Variants in KIAA1328 observed in about 807,000 individuals in gnomAD.
The protein encoded by KIAA1328 is protein hinderin.
A neutral mutation model predicts 68.1 loss-of-function variants in KIAA1328; 52 were observed. The observed-to-expected ratio is 0.76, with a 90% CI of 0.61 to 0.96. The LOEUF is 0.96. Ranked by LOEUF, KIAA1328 falls within the 40% of genes least tolerant of loss-of-function variation. KIAA1328 has a pLI of 0.00. For missense variants in KIAA1328, 641 were observed against 677.6 expected (o/e 0.95, Z 0.60); for synonymous variants, 232 against 239.4 (o/e 0.97, Z 0.28).
At chr18:37,168,368 C>T (rs1200180010) in intron 8 of KIAA1328, among the ~76,000 whole-genome samples, 2 of 152,162 alleles carry the variant, frequency 1.3e-5, no homozygotes, top group East Asian at 3.9e-4. Flanking sequence ...TAGCTGTGTA[C>T]CTAGGAAGAA....
intron 3 of KIAA1328, among the ~76,000 whole-genome samples, chr18:36,838,968 C>T (rs781308207): frequency 2.0e-5 from 3 of 152,178 alleles, no homozygotes; most frequent in Non-Finnish European, 4.4e-5. Flanking sequence ...CTCCTGACCT[C>T]ATTATCTGCC....
intron 7 of KIAA1328, among the ~76,000 whole-genome samples, chr18:37,083,518 A>C (rs543551410): frequency 2.0e-5 from 3 of 152,262 alleles, no homozygotes; most frequent in Admixed American, 6.5e-5. Flanking sequence ...TTAACACTCA[A>C]CTCCCGGTAG....
intron 6 of KIAA1328, among the ~76,000 whole-genome samples, chr18:37,002,577 T>G (rs1171248983): frequency 6.6e-6 from 1 of 151,712 alleles, no homozygotes; most frequent in Non-Finnish European, 1.5e-5. Context: ...CAGAAAGAAA[T>G]AAGGCAATCT....
At chr18:36,856,171 TA>T (rs2047377101) in intron 4 of KIAA1328, among the ~76,000 whole-genome samples, 1 of 152,154 alleles carries the variant, frequency 6.6e-6, no homozygotes, top group Non-Finnish European at 1.5e-5. Context: ...TTTCTTTTTT[TA>T]TCCTCCTTGG....
At chr18:36,923,957 G>A (rs1006756328) in intron 5 of KIAA1328, 1 of 152,152 alleles carries the variant, frequency 6.6e-6, no homozygotes, top group Non-Finnish European at 1.5e-5. Context: ...AAGTTGCAAA[G>A]GCAAGTTGGA....
rs1018272086 is a variant in KIAA1328 at position 36,846,554 on chromosome 18, T to C, written c.332+2252T>C. 5.9e-5 allele frequency among the ~76,000 whole-genome samples: 9 copies of C among 151,620 alleles called. 1 individual carries two copies. The South Asian group carries it at 1.2e-3, about 21-fold the overall frequency. Reference sequence around the variant, plus strand: ...TGACAAATATAAGATATACAAGATTTCCTATTCATGATATACAGCATTTAT... The same window carrying C: ...TGACAAATATAAGATATACAAGATTCCCTATTCATGATATACAGCATTTAT... On this transcript the variant is annotated intron_variant, in intron 4 of 9. Coordinates refer to ENST00000280020, the MANE Select transcript of KIAA1328 (RefSeq NM_020776.3).
chr18:37,042,292 A>C (rs2590865), intron 6 of KIAA1328, among the ~76,000 whole-genome samples: 142,345 of 152,234 alleles, frequency 0.94, 67,293 homozygotes, highest in East Asian at 1. Context: ...ATATACCTTT[A>C]CCTACAAGAT....
chr18:37,037,867 C>T (rs556445376), intron 6 of KIAA1328, among the ~76,000 whole-genome samples: 29 of 151,750 alleles, frequency 1.9e-4, no homozygotes, highest in East Asian at 9.7e-4. Flanking sequence ...TTTGGGAGGC[C>T]GAGGCAGGCT....
intron 8 of KIAA1328, among the ~76,000 whole-genome samples, chr18:37,168,114 A>G (rs185326231): frequency 2.6e-5 from 4 of 152,376 alleles, no homozygotes; most frequent in Non-Finnish European, 4.4e-5. Flanking sequence ...GAATAACCAC[A>G]TGATCATCTC....
intron 4 of KIAA1328, among the ~76,000 whole-genome samples, chr18:36,879,041 T>C (rs1039161088): frequency 6.6e-5 from 10 of 152,212 alleles, no homozygotes; most frequent in Non-Finnish European, 1.3e-4. Context: ...TCATTCTTTG[T>C]CCGGTTTTGT....
chr18:36,865,058 T>C (rs2047701512), intron 4 of KIAA1328, among the ~76,000 whole-genome samples: 1 of 151,906 alleles, frequency 6.6e-6, no homozygotes, highest in Non-Finnish European at 1.5e-5. Flanking sequence ...TTTTCACTCT[T>C]ATCTCTATTA....
At chr18:37,228,700 A>G (rs556590871), downstream of KIAA1328, among the ~76,000 whole-genome samples, 35 of 152,166 alleles carry the variant, frequency 2.3e-4, no homozygotes, top group African/African-American at 7.9e-4. Flanking sequence ...GGCACCTGTA[A>G]TCCCAGCTAC....
chr18:37,116,601 G>T (rs1262622051), intron 7 of KIAA1328, among the ~76,000 whole-genome samples: 1 of 152,190 alleles, frequency 6.6e-6, no homozygotes, highest in African/African-American at 2.4e-5. Flanking sequence ...ATAGGCATGG[G>T]CAAGGACTTT....
intron 8 of KIAA1328, among the ~76,000 whole-genome samples, chr18:37,165,018 T>C (rs1372214520): frequency 6.6e-6 from 1 of 152,170 alleles, no homozygotes; most frequent in Non-Finnish European, 1.5e-5. Flanking sequence ...TGCTGATGGC[T>C]GCCTTCTCAC....
intron 9 of KIAA1328, among the ~76,000 whole-genome samples, chr18:37,175,235 T>G (rs1423597211): frequency 6.6e-6 from 1 of 152,212 alleles, no homozygotes; most frequent in Non-Finnish European, 1.5e-5. Flanking sequence ...AACACCACTT[T>G]AATATATTGT....
intron 5 of KIAA1328, among the ~76,000 whole-genome samples, chr18:36,892,568 G>A (rs1384482299): frequency 3.3e-5 from 5 of 151,996 alleles, no homozygotes; most frequent in African/African-American, 1.2e-4. Flanking sequence ...GGGCCACTTC[G>A]TTCCATTTAA....
intron 9 of KIAA1328, among the ~76,000 whole-genome samples, chr18:37,219,031 T>C (rs1431239390): frequency 6.6e-6 from 1 of 152,240 alleles, no homozygotes; most frequent in African/African-American, 2.4e-5. Context: ...TTGATGCTAT[T>C]CCTTTCTGTT....
intron 9 of KIAA1328, among the ~76,000 whole-genome samples, chr18:37,179,041 TA>T (rs2059649596): frequency 6.6e-6 from 1 of 152,196 alleles, no homozygotes; most frequent in Non-Finnish European, 1.5e-5. Context: ...ATCACTCTGT[TA>T]ATTGTGTCCT....
intron 8 of KIAA1328, among the ~76,000 whole-genome samples, chr18:37,162,496 G>A (rs2059302801): frequency 1.3e-5 from 2 of 152,156 alleles, no homozygotes; most frequent in Admixed American, 6.5e-5. Flanking sequence ...TGCACAGCTA[G>A]TGTATGCAGA....
Sources: allele counts gnomAD v4.1 joint callset (sites outside exome capture counted in the v4.1 genomes callset), GRCh38; gene constraint gnomAD v4.1.1; transcripts MANE v1.5; gene names NCBI Gene and HGNC (gene_info 2026-07-23, HGNC 2026-07-21).